Variants in EP400 observed in about 807,000 individuals in gnomAD.
EP400 encodes E1A-binding protein p400.
Under a neutral mutation model 354.1 loss-of-function variants are expected in EP400, and 105 were observed. The ratio of observed to expected loss-of-function variants is 0.30; its 90% CI spans 0.25 to 0.35. EP400 has a LOEUF of 0.35. Among genes scored for constraint, EP400 ranks in the 10% least tolerant of loss-of-function variants. The probability of loss-of-function intolerance (pLI) is 1.00; values close to 1 mark genes in which losing one functional copy is unlikely to be tolerated. For synonymous variants in EP400, 1,646 were observed against 1,716.9 expected (o/e 0.96, Z 1.02); for missense variants, 3,280 against 4,121.0 (o/e 0.80, Z 5.59).
intron 1 of EP400, among the ~76,000 whole-genome samples, chr12:131,955,430 G>A (rs992962400): frequency 2.7e-5 from 4 of 147,278 alleles, no homozygotes; most frequent in Admixed American, 6.8e-5. Context: ...TTACAGGTGC[G>A]CACCACCATG....
intron 39 of EP400, among the ~76,000 whole-genome samples, chr12:132,046,319 TAAATG>T (rs1197672983): frequency 6.6e-6 from 1 of 152,170 alleles, no homozygotes; most frequent in African/African-American, 2.4e-5. Flanking sequence ...ATGGCGTACT[TAAATG>T]AGGGTGTCAT....
intron 1 of EP400, among the ~76,000 whole-genome samples, chr12:131,951,723 T>G (rs891721740): frequency 2.0e-5 from 3 of 152,116 alleles, no homozygotes; most frequent in Non-Finnish European, 4.4e-5. Context: ...TGCCTCAGCA[T>G]CCCGAGTAGC....
At chr12:131,975,889 T>TG (rs936107545) in intron 2 of EP400, among the ~76,000 whole-genome samples, 5 of 152,104 alleles carry the variant, frequency 3.3e-5, no homozygotes, top group African/African-American at 4.8e-5. Context: ...TTTTTGGAGA[T>TG]GGGGTCTCAT....
At position 131,990,081 on chromosome 12, in the gene EP400, T is replaced by A; in HGVS notation, c.2527T>A (p.Cys843Ser). ...IAASTAREIE[C>S]FWSNIEQVVE... is the part of the protein sequence containing the mutation. ...CGCCTCCACGGCCCGGGAGATAGAG[T>A]GCTTTTGGTCGAATATTGAACAGGC... is the stretch of plus-strand genomic sequence containing the variant. The change falls in exon 8 of 53, where the codon TGC becomes AGC. Residue 843 changes from cysteine (C) to serine (S), a missense_variant. This residue lies in a region of EP400 where 800 missense variants were observed against 840.0 expected (regional missense o/e 0.95). Transcript: ENST00000389561. The surrounding 1 kb of genome is among the most constrained non-coding windows in gnomAD (Gnocchi z 4.2). The A allele has an allele frequency of 1.2e-6, 2 of 1,607,964 alleles. No individual in the cohort carries two copies. Among genetic ancestry groups the A allele is most frequent in the Non-Finnish European group, 1.7e-6 (2 of 1,178,240 alleles).
chr12:131,963,577 G>T, intron 2 of EP400: 1 of 1,598,446 alleles, frequency 6.3e-7, no homozygotes, highest in Non-Finnish European at 8.5e-7. Context: ...GACTCCCGTT[G>T]CTATAGCAAC....
At chr12:131,954,270 G>A (rs968514478) in intron 1 of EP400, among the ~76,000 whole-genome samples, 2 of 151,458 alleles carry the variant, frequency 1.3e-5, no homozygotes, top group East Asian at 2.0e-4. Context: ...GTGTGTCAGC[G>A]TCTCTGTAGA....
intron 34 of EP400, 82 bp downstream of exon 34, chr12:132,043,810 A>G (rs1894992875): frequency 1.6e-6 from 2 of 1,280,310 alleles, no homozygotes; most frequent in Admixed American, 4.7e-5. Context: ...ATGTGACTTC[A>G]TTAAATTAAA....
At chr12:131,966,143 A>G (rs1197474215) in intron 2 of EP400, among the ~76,000 whole-genome samples, 3 of 152,046 alleles carry the variant, frequency 2.0e-5, no homozygotes, top group African/African-American at 7.2e-5. Context: ...TAATCCCAGC[A>G]CTTTGGGATG....
At chr12:132,063,696 A>G (rs918694021) in intron 47 of EP400, among the ~76,000 whole-genome samples, 3 of 152,004 alleles carry the variant, frequency 2.0e-5, no homozygotes, top group Non-Finnish European at 4.4e-5. Flanking sequence ...GCTGCAGGAG[A>G]CGCACACTCA....
intron 45 of EP400, among the ~76,000 whole-genome samples, chr12:132,061,245 A>C (rs1895684412): frequency 6.6e-6 from 1 of 152,236 alleles, no homozygotes; most frequent in Admixed American, 6.5e-5. Flanking sequence ...CACCAGAAGA[A>C]TGAGAGCAGA....
chr12:132,067,612 G>A lies in EP400; in HGVS notation c.8874+126G>A. Reference sequence around the variant, plus strand: ...ACGCTTTTCAGAGGGTGGCTTCAAGGGCTGGAGGTGCTAGTGTGGTCATCC... The same window carrying A: ...ACGCTTTTCAGAGGGTGGCTTCAAGAGCTGGAGGTGCTAGTGTGGTCATCC... On this transcript the variant is annotated intron_variant, in intron 50 of 52. Coordinates refer to ENST00000389561, the MANE Select transcript of EP400 (RefSeq NM_015409.5). This position sits in a 1 kb window ranked among gnomAD's most constrained non-coding sequence, Gnocchi z 5.3. 7.5e-7 allele frequency: 1 copy of A among 1,331,728 alleles called. No individual in the cohort carries two copies. Among genetic ancestry groups the A allele is most frequent in the East Asian group, 2.4e-5 (1 of 42,482 alleles). The allele number at this position is 1,331,728 out of a possible 1,614,324, so 82.5% of individuals were successfully genotyped here.
chr12:131,992,251 A>G lies in EP400; in HGVS notation c.2737+21A>G, dbSNP rs983904844. On this transcript the variant is annotated intron_variant, in intron 11 of 52. Transcript: ENST00000389561. ...CGAAGGTCTGTTCCCCCTCAGCACT[A>G]TCTTTGTCATCTCCAGGGCTGCTGA... The G allele has an allele frequency of 2.4e-5, 38 of 1,602,560 alleles. No homozygotes were observed. In the East Asian group the frequency reaches 7.4e-4, roughly 31 times the overall value.
chr12:132,045,951 G>T, intron 39 of EP400, 51 bp downstream of exon 39: 1 of 1,593,480 alleles, frequency 6.3e-7, no homozygotes, highest in South Asian at 1.1e-5. Context: ...AGGTGTGGTG[G>T]CCGTGGCCTG....
rs1262035465 is a variant in EP400 at position 132,050,727 on chromosome 12, A to AT, written c.7394+72_7394+73insT. ...ATTCCAGTGTCATCTAAGTTCAGTG[A>AT]GTTCAGCAAATCGTTGTGCACTTAG... On this transcript the variant is annotated intron_variant, in intron 41 of 52. Transcript: ENST00000389561. The surrounding 1 kb of genome is among the most constrained non-coding windows in gnomAD (Gnocchi z 4.8). The AT allele has an allele frequency of 1.2e-5, 19 of 1,582,366 alleles. No individual in the cohort carries two copies. The highest frequency in any genetic ancestry group is 3.3e-5 in the South Asian group (3 of 90,490).
intron 37 of EP400, 51 bp from the exon 38 acceptor site, chr12:132,045,268 G>A (rs749758746): frequency 2.9e-5 from 46 of 1,600,346 alleles, no homozygotes; most frequent in Admixed American, 5.1e-5. Flanking sequence ...TTGCCTGCCC[G>A]TGTGGAATCT....
rs1209486997 is a variant in EP400, at chr12:132,021,091, C to T, written c.4460C>T (p.Pro1487Leu). 1.4e-5 allele frequency: 22 copies of T among 1,597,232 alleles called. No homozygotes were observed. Among genetic ancestry groups the T allele is most frequent in the East Asian group, 6.7e-5 (3 of 44,716 alleles). The change falls in exon 23 of 53, where the codon CCG (proline) becomes CTG (leucine). Residue 1487 changes from proline to leucine, a missense_variant. By Grantham distance (98) the Pro-to-Leu change is moderately conservative. Transcript: ENST00000389561. Reference sequence around the variant, plus strand: ...TTATCGATTGCAGCAGCAGCAGCCCCGTTTCAGACCTCTCAGGCTTCCGCC... The same window carrying T: ...TTATCGATTGCAGCAGCAGCAGCCCTGTTTCAGACCTCTCAGGCTTCCGCC... ...ANPEAKAAAA[P>L]FQTSQASASA...
rs985616201 is a variant in EP400 at position 132,013,400 on chromosome 12, TC to T, written c.3612-87del. On this transcript the variant is annotated intron_variant, in intron 17 of 52. Transcript: ENST00000389561. The surrounding 1 kb of genome is among the most constrained non-coding windows in gnomAD (Gnocchi z 4.5). ...TGACATTTGCGGTGTCAAATTACTGTCCCTTTTCTCACACATTGTCAGAGAA... is the reference window on the plus strand; with the variant it reads ...TGACATTTGCGGTGTCAAATTACTGTCCTTTTCTCACACATTGTCAGAGAA... The T allele has an allele frequency of 6.8e-7, 1 of 1,474,852 alleles. No homozygotes were observed. Among genetic ancestry groups the T allele is most frequent in the Non-Finnish European group, 9.1e-7 (1 of 1,099,948 alleles). The allele number at this position is 1,474,852 out of a possible 1,614,324, so 91.4% of individuals were successfully genotyped here. A position where few individuals can be genotyped will look rare whatever the true frequency, so the allele number is the denominator to read the frequency against.
chr12:132,021,044 A>G (rs751066103), intron 22 of EP400, 35 bp from the exon 23 acceptor site: 18 of 1,548,756 alleles, frequency 1.2e-5, no homozygotes, highest in East Asian at 4.6e-5. Context: ...AAGAACCTCT[A>G]ACAGCTTTGC....
intron 15 of EP400, among the ~76,000 whole-genome samples, chr12:132,009,392 C>G (rs919049245): frequency 2.0e-5 from 3 of 152,104 alleles, no homozygotes; most frequent in African/African-American, 7.2e-5. Flanking sequence ...TTCAGGAACC[C>G]CACACTGGTA....
Sources: gnomAD v4.1 joint callset for allele counts (sites outside exome capture counted in the v4.1 genomes callset) on GRCh38, gnomAD v4.1.1 for gene constraint, gnomAD v4.1.1 regional missense constraint, Gnocchi (gnomAD v3.1) non-coding constraint, MANE v1.5 for transcripts, NCBI Gene and HGNC (gene_info 2026-07-23, HGNC 2026-07-21) for gene names.